The following YLPM1 variants were observed in gnomAD, a reference collection of about 807,000 sequenced individuals.
The protein encoded by YLPM1 is YLP motif containing 1.
YLPM1 carries 99 observed loss-of-function variants against 230.0 expected under a neutral mutation model. The observed-to-expected ratio is 0.43, with a 90% CI of 0.37 to 0.51. The LOEUF (loss-of-function observed/expected upper bound fraction) is 0.51. YLPM1 is among the 20% of genes least tolerant of loss of function. The pLI is 0.00. For synonymous variants in YLPM1, 984 were observed against 942.5 expected, an observed-to-expected ratio of 1.04 and a Z score of -0.81; for missense variants, 2,592 against 2,707.7, an observed-to-expected ratio of 0.96 and a Z score of 0.95.
At position 74,813,111 on chromosome 14, in the gene YLPM1, C is replaced by CT. The variant is rs560619841; in HGVS notation, c.5502+331dup. On this transcript the variant is annotated intron_variant, in intron 11 of 20. Coordinates refer to ENST00000325680, the MANE Select transcript of YLPM1 (RefSeq NM_019589.3). ...AGGGAGAATTAGGAGACTTGATTAG[C>CT]TTAGGCTTAATTTCCTAGTGACCTC... is the stretch of plus-strand genomic sequence containing the variant. Among the ~76,000 whole-genome samples the CT allele has an allele frequency of 1.7e-3, 261 of 152,282 alleles. 3 individuals carry two copies. The highest frequency in any genetic ancestry group is 0.014 in the Middle Eastern group (4 of 294).
At chr14:74,833,356 C>T (rs779036003) in intron 19 of YLPM1, among the ~76,000 whole-genome samples, 17 of 152,126 alleles carry the variant, frequency 1.1e-4, no homozygotes, top group Non-Finnish European at 1.0e-4. Context: ...TCAAACAATT[C>T]TCCCACCTCA....
At position 74,772,949 on chromosome 14, in the gene YLPM1, A is replaced by G. The variant is rs539697344; in HGVS notation, c.874-5498A>G. Among the ~76,000 whole-genome samples the G allele has an allele frequency of 1.1e-4, 16 of 152,306 alleles. No homozygotes were observed. The South Asian group carries it at 3.3e-3, about 32-fold the overall frequency. On this transcript the variant is annotated intron_variant, in intron 1 of 20. Transcript: ENST00000325680. ...GTGCTGAAGCCTACCATAGGATTGA[A>G]TTAGATCTGGTTACTACTTATAGGG...
chr14:74,798,912 A>G lies in YLPM1; in HGVS notation c.3615A>G (p.Pro1205=). Residue 1205 remains proline, a synonymous_variant, in exon 5 of 21, where the codon CCA becomes CCG. Transcript: ENST00000325680. ...HGEERGHEEF[P]LDGRNAPMER... The stretch of plus-strand genomic sequence containing the variant: ...AAGAGCGAGGGCATGAAGAGTTTCC[A>G]TTAGATGGTAGAAATGCTCCAATGG... 6.2e-7 allele frequency: 1 copy of G among 1,613,962 alleles called. No individual in the cohort carries two copies. The highest frequency in any genetic ancestry group is 8.5e-7 in the Non-Finnish European group (1 of 1,179,870).
At chr14:74,778,028 AG>A (rs774222901) in intron 1 of YLPM1, among the ~76,000 whole-genome samples, 9 of 152,084 alleles carry the variant, frequency 5.9e-5, no homozygotes, top group Non-Finnish European at 1.0e-4. Context: ...GAGAGAAGGC[AG>A]AGAAGAGAGG....
At chr14:74,807,205 T>C (rs1196950745) in intron 6 of YLPM1, among the ~76,000 whole-genome samples, 2 of 152,150 alleles carry the variant, frequency 1.3e-5, no homozygotes, top group African/African-American at 4.8e-5. Flanking sequence ...TATGGGCAAA[T>C]ATATAAATAA....
At chr14:74,768,889 TTTG>T (rs1566735557) in intron 1 of YLPM1, among the ~76,000 whole-genome samples, 1 of 152,118 alleles carries the variant, frequency 6.6e-6, no homozygotes, top group Admixed American at 6.5e-5. Context: ...AGGCAAGTTT[TTTG>T]TTTTTTGTTT....
intron 1 of YLPM1, among the ~76,000 whole-genome samples, chr14:74,767,961 A>T (rs963649704): frequency 6.6e-6 from 1 of 152,102 alleles, no homozygotes. Flanking sequence ...TCTACTGTAA[A>T]GCTTTCTATC....
chr14:74,791,294 G>A lies in YLPM1; in HGVS notation c.2283-6286G>A, dbSNP rs529805067. ...GAAAAGGACAAAAAAAAATCAAATA[G>A]TGATAAATATTTGCCATTTATATGT... On this transcript the variant is annotated intron_variant, in intron 4 of 20. Coordinates refer to ENST00000325680, the MANE Select transcript of YLPM1 (RefSeq NM_019589.3). Among the ~76,000 whole-genome samples, 18 of 152,180 alleles carry A rather than the reference G, an allele frequency of 1.2e-4. No homozygotes were observed. In the South Asian group the frequency reaches 3.7e-3, roughly 32 times the overall value.
intron 19 of YLPM1, among the ~76,000 whole-genome samples, chr14:74,832,774 A>C (rs1214705989): frequency 6.6e-6 from 1 of 152,148 alleles, no homozygotes; most frequent in Non-Finnish European, 1.5e-5. Flanking sequence ...TGCCTGGCCT[A>C]ATTCCAATGT....
rs770797200 is a variant in YLPM1 at position 74,764,007 on chromosome 14, C to T, written c.518C>T (p.Ser173Phe). 1.2e-6 allele frequency: 2 copies of T among 1,606,536 alleles called. No individual in the cohort carries two copies. The highest frequency in any genetic ancestry group is 1.4e-5 in the African/African-American group (1 of 73,462). The change falls in exon 1 of 21, where the codon TCT (serine) becomes TTT (phenylalanine). Residue 173 changes from serine to phenylalanine, a missense_variant. This residue lies in a region of YLPM1 where 1,862 missense variants were observed against 1,819.8 expected (regional missense o/e 1.02). Coordinates refer to ENST00000325680, the MANE Select transcript of YLPM1 (RefSeq NM_019589.3). ...SYMPPPQPPP[S>F]YYPPTSSQPY... ...ATGCCCCCACCTCAGCCGCCACCCT[C>T]TTACTACCCCCCGACCTCATCTCAG...
intron 6 of YLPM1, among the ~76,000 whole-genome samples, chr14:74,806,473 T>C (rs2091379510): frequency 6.6e-6 from 1 of 152,064 alleles, no homozygotes; most frequent in Non-Finnish European, 1.5e-5. Flanking sequence ...GCACCTGTAA[T>C]CCCAGCTACT....
chr14:74,817,485 G>A (rs2091488408), intron 15 of YLPM1, among the ~76,000 whole-genome samples: 1 of 152,160 alleles, frequency 6.6e-6, no homozygotes, highest in African/African-American at 2.4e-5. Flanking sequence ...TGCTGTACAA[G>A]TTTGTAACCT....
At chr14:74,787,327 C>T (rs1429984502) in intron 4 of YLPM1, among the ~76,000 whole-genome samples, 3 of 152,184 alleles carry the variant, frequency 2.0e-5, no homozygotes, top group Non-Finnish European at 4.4e-5. Flanking sequence ...CTTTGGGAGG[C>T]TGACGCGGGC....
At chr14:74,781,288 A>T (rs768411814) in intron 3 of YLPM1, 46 bp from the exon 4 acceptor site, 73 of 1,464,082 alleles carry the variant, frequency 5.0e-5, no homozygotes, top group African/African-American at 1.4e-5. Context: ...ATGATTAATT[A>T]TCTTATATGA....
chr14:74,764,459 A>G, intron 1 of YLPM1, 97 bp downstream of exon 1: 7 of 1,384,456 alleles, frequency 5.1e-6, no homozygotes, highest in Non-Finnish European at 6.7e-6. Flanking sequence ...ATTCCAACAC[A>G]CAATGACTAG....
intron 19 of YLPM1, among the ~76,000 whole-genome samples, chr14:74,833,199 AT>A (rs904111190): frequency 2.0e-5 from 3 of 152,134 alleles, no homozygotes; most frequent in Admixed American, 6.5e-5. Flanking sequence ...TTTCGCTAAA[AT>A]GTGTATCCTT....
chr14:74,828,940 C>T (rs1358754364), intron 18 of YLPM1, among the ~76,000 whole-genome samples: 1 of 152,138 alleles, frequency 6.6e-6, no homozygotes, highest in Non-Finnish European at 1.5e-5. Context: ...ACAAGGAGGC[C>T]AGGAGCCAAG....
intron 1 of YLPM1, among the ~76,000 whole-genome samples, chr14:74,772,353 T>G (rs2090985755): frequency 6.6e-6 from 1 of 151,706 alleles, no homozygotes; most frequent in African/African-American, 2.4e-5. Flanking sequence ...TAGTTCTATA[T>G]TCTTAATTTT....
chr14:74,771,268 A>G (rs1430046012), intron 1 of YLPM1, among the ~76,000 whole-genome samples: 1 of 152,152 alleles, frequency 6.6e-6, no homozygotes, highest in African/African-American at 2.4e-5. Context: ...GATCTGGGAG[A>G]CATAGATTTA....
Sources: gnomAD v4.1 joint callset for allele counts (sites outside exome capture counted in the v4.1 genomes callset) on GRCh38, gnomAD v4.1.1 for gene constraint, gnomAD v4.1.1 regional missense constraint, MANE v1.5 for transcripts, NCBI Gene and HGNC (gene_info 2026-07-23, HGNC 2026-07-21) for gene names.